Variants in CBFA2T2 observed in about 807,000 individuals in gnomAD.
CBFA2T2 encodes the protein protein CBFA2T2.
Under a neutral mutation model 62.2 loss-of-function variants are expected in CBFA2T2, and 11 were observed. The ratio of observed to expected loss-of-function variants is 0.18; its 90% CI spans 0.11 to 0.29. The LOEUF is 0.29. CBFA2T2 is among the 10% of genes least tolerant of loss of function. CBFA2T2 has a pLI of 1.00. For missense variants in CBFA2T2, 592 were observed against 774.1 expected, an observed-to-expected ratio of 0.76 and a Z score of 2.79; for synonymous variants, 295 against 287.5, an observed-to-expected ratio of 1.03 and a Z score of -0.27.
chr20:33,616,788 GTGT>G (rs1237382884), intron 3 of CBFA2T2, among the ~76,000 whole-genome samples: 3 of 151,886 alleles, frequency 2.0e-5, no homozygotes, highest in Non-Finnish European at 4.4e-5. Context: ...TGGAGTATAA[GTGT>G]TGCCCTTGAA....
intron 1 of CBFA2T2, among the ~76,000 whole-genome samples, chr20:33,529,743 T>TTTTATATATA (rs1163402861): frequency 0.049 from 196 of 3,992 alleles, 11 homozygotes; most frequent in African/African-American, 0.058. Flanking sequence ...AAGAAAGCAG[T>TTTTATATATA]TATATATATA....
At chr20:33,600,884 A>G (rs1197381431) in intron 1 of CBFA2T2, among the ~76,000 whole-genome samples, 2 of 152,202 alleles carry the variant, frequency 1.3e-5, no homozygotes, top group Admixed American at 1.3e-4. Context: ...AAATTATTGG[A>G]AATAATCCAA....
chr20:33,577,216 C>T (rs901038416), intron 1 of CBFA2T2, among the ~76,000 whole-genome samples: 1 of 152,104 alleles, frequency 6.6e-6, no homozygotes, highest in Non-Finnish European at 1.5e-5. Flanking sequence ...TGTGCCTATA[C>T]TAAGTATTTA....
In CBFA2T2 at chr20:33,648,837, A is replaced by C. The variant is rs2017143870; in HGVS notation, c.*4191A>C. The C allele has an allele frequency of 6.6e-6, 1 of 152,206 alleles. No individual in the cohort carries two copies. The highest frequency in any genetic ancestry group is 2.4e-5 in the African/African-American group (1 of 41,450). 9.4% of individuals were successfully genotyped at this position (152,206 alleles called of 1,614,324 possible). A position where few individuals can be genotyped will look rare whatever the true frequency, so the allele number is the denominator to read the frequency against. On this transcript the variant is annotated 3_prime_UTR_variant, in exon 11 of 11. Transcript: ENST00000342704. ...AACTTGACATCTTCAGCTTCCAGAC[A>C]GAAAACCCATGCTTTACTTTGTACA...
At chr20:33,517,568 G>A (rs2011624327) in intron 1 of CBFA2T2, among the ~76,000 whole-genome samples, 1 of 151,376 alleles carries the variant, frequency 6.6e-6, no homozygotes, top group Non-Finnish European at 1.5e-5. Context: ...TTGTGCCTCA[G>A]CCTCTTGAGT....
intron 3 of CBFA2T2, among the ~76,000 whole-genome samples, chr20:33,615,677 C>A (rs1445785966): frequency 6.6e-6 from 1 of 151,864 alleles, no homozygotes; most frequent in Non-Finnish European, 1.5e-5. Context: ...TGTAGTCCCA[C>A]CTATGTAGTC....
intron 1 of CBFA2T2, among the ~76,000 whole-genome samples, chr20:33,551,720 C>T (rs879804790): frequency 1.1e-4 from 16 of 151,890 alleles, no homozygotes; most frequent in Non-Finnish European, 2.1e-4. Context: ...TTAGTAGAGA[C>T]GGGGTTTCAC....
At chr20:33,598,048 G>T (rs940013591) in intron 1 of CBFA2T2, among the ~76,000 whole-genome samples, 1 of 152,164 alleles carries the variant, frequency 6.6e-6, no homozygotes, top group Non-Finnish European at 1.5e-5. Flanking sequence ...GGGAGGGAGT[G>T]TGCGAATACG....
intron 8 of CBFA2T2, among the ~76,000 whole-genome samples, chr20:33,633,257 A>T (rs1483542049): frequency 6.6e-6 from 1 of 151,956 alleles, no homozygotes; most frequent in Non-Finnish European, 1.5e-5. Context: ...CTGTACTCCC[A>T]CCTACTTGGG....
At chr20:33,598,470 C>T (rs896658641) in intron 1 of CBFA2T2, among the ~76,000 whole-genome samples, 2 of 152,188 alleles carry the variant, frequency 1.3e-5, no homozygotes, top group South Asian at 2.1e-4. Flanking sequence ...AAATATGGCT[C>T]TGTTCTGCCT....
intron 1 of CBFA2T2, among the ~76,000 whole-genome samples, chr20:33,516,268 G>A (rs947632043): frequency 6.6e-6 from 1 of 152,064 alleles, no homozygotes; most frequent in African/African-American, 2.4e-5. Context: ...TCAGGAGTTC[G>A]AGACCAGTCT....
At position 33,645,559 on chromosome 20, in the gene CBFA2T2, T is replaced by G. The variant is rs2039531103; in HGVS notation, c.*913T>G. The G allele has an allele frequency of 6.6e-6, 1 of 152,214 alleles. No individual in the cohort carries two copies. Among genetic ancestry groups the G allele is most frequent in the Non-Finnish European group, 1.5e-5 (1 of 68,038 alleles). 9.4% of individuals were successfully genotyped at this position (152,214 alleles called of 1,614,324 possible). On this transcript the variant is annotated 3_prime_UTR_variant, in exon 11 of 11. Transcript: ENST00000342704. Reference sequence around the variant, plus strand: ...CACAGTCATCTTGTTCTGTGTCCTTTTATCTCTCAGACCACACACATCTGG... The same window carrying G: ...CACAGTCATCTTGTTCTGTGTCCTTGTATCTCTCAGACCACACACATCTGG...
intron 1 of CBFA2T2, among the ~76,000 whole-genome samples, chr20:33,504,114 C>T (rs908423613): frequency 2.0e-5 from 3 of 152,048 alleles, no homozygotes; most frequent in Admixed American, 2.0e-4. Flanking sequence ...ATGTCATATA[C>T]ATGGAATCAT....
intron 10 of CBFA2T2, among the ~76,000 whole-genome samples, chr20:33,643,825 ATGTGTGTG>A (rs58366038): frequency 0.023 from 1,656 of 73,366 alleles, 143 homozygotes; most frequent in African/African-American, 0.089. Context: ...ATAGTATATA[ATGTGTGTG>A]TGTGTGTGTG....
chr20:33,519,733 C>G (rs1487355484), intron 1 of CBFA2T2, among the ~76,000 whole-genome samples: 1 of 152,076 alleles, frequency 6.6e-6, no homozygotes, highest in African/African-American at 2.4e-5. Flanking sequence ...GGGTAGGGTC[C>G]AGGAATCTTC....
chr20:33,580,109 G>A (rs146309489), intron 1 of CBFA2T2, among the ~76,000 whole-genome samples: 180 of 152,008 alleles, frequency 1.2e-3, no homozygotes, highest in African/African-American at 4.2e-3. Context: ...GAGCCACTGC[G>A]CCTGGCCTCT....
intron 1 of CBFA2T2, among the ~76,000 whole-genome samples, chr20:33,499,265 TGCCAA>T (rs1282545030): frequency 6.6e-6 from 1 of 152,192 alleles, no homozygotes; most frequent in Admixed American, 6.5e-5. Context: ...ATTTCTCACC[TGCCAA>T]TTTTGTTCTC....
At chr20:33,564,047 C>T (rs1166095282) in intron 1 of CBFA2T2, among the ~76,000 whole-genome samples, 4 of 152,100 alleles carry the variant, frequency 2.6e-5, no homozygotes, top group African/African-American at 4.8e-5. Context: ...CGCGACCTCC[C>T]GCTGGAAAAT....
At chr20:33,632,082 G>T (rs1317168226) in intron 8 of CBFA2T2, among the ~76,000 whole-genome samples, 1 of 152,148 alleles carries the variant, frequency 6.6e-6, no homozygotes. Context: ...ATGGAGTCTT[G>T]CTCTGTTGTC....
Sources: gnomAD v4.1 joint callset for allele counts (sites outside exome capture counted in the v4.1 genomes callset) on GRCh38, gnomAD v4.1.1 for gene constraint, MANE v1.5 for transcripts, NCBI Gene and HGNC (gene_info 2026-07-23, HGNC 2026-07-21) for gene names.